TOX2: variants seen among roughly 807,000 people sequenced by gnomAD.
TOX2 encodes the protein granulosa cell HMG box 1.
A neutral mutation model predicts 47.4 loss-of-function variants in TOX2; 15 were observed. The ratio of observed to expected loss-of-function variants is 0.32; its 90% CI spans 0.21 to 0.49. TOX2 has a LOEUF of 0.49. Ranked by LOEUF, TOX2 falls within the 20% of genes least tolerant of loss-of-function variation. The pLI is 0.99. For synonymous variants in TOX2, 290 were observed against 296.6 expected (o/e 0.98, Z 0.23); for missense variants, 622 against 673.1 (o/e 0.92, Z 0.84).
intron 3 of TOX2, among the ~76,000 whole-genome samples, chr20:44,034,307 C>A (rs1174222293): frequency 2.0e-5 from 3 of 152,138 alleles, no homozygotes; most frequent in Non-Finnish European, 4.4e-5. Context: ...CTCTGGCACC[C>A]CACAGGACCC....
chr20:44,036,937 A>C (rs2071251034), intron 3 of TOX2, among the ~76,000 whole-genome samples: 2 of 152,060 alleles, frequency 1.3e-5, no homozygotes, highest in Non-Finnish European at 2.9e-5. Context: ...AGATTTCAGA[A>C]CCTTCTATTG....
intron 1 of TOX2, among the ~76,000 whole-genome samples, chr20:43,923,201 G>T (rs886596334): frequency 6.6e-6 from 1 of 152,160 alleles, no homozygotes; most frequent in African/African-American, 2.4e-5. Flanking sequence ...GAAGAGCCTT[G>T]CACCCCAGCC....
rs1237422987 is a variant in TOX2 at position 43,915,001 on chromosome 20, G to A, written c.99+11G>A. On this transcript the variant is annotated intron_variant, in intron 1 of 8. Transcript: ENST00000341197. This position sits in a 1 kb window ranked among gnomAD's most constrained non-coding sequence, Gnocchi z 7.1. ...TACCACGGCGGCAAGGTAGGCGGGG[G>A]CGGGCGGGGGTCCCCGGCGGGCGGG... The A allele has an allele frequency of 3.2e-6, 4 of 1,237,898 alleles. No homozygotes were observed. The highest frequency in any genetic ancestry group is 4.0e-6 in the Non-Finnish European group (4 of 989,666). The allele number at this position is 1,237,898 out of a possible 1,614,324, so 76.7% of individuals were successfully genotyped here. A position where few individuals can be genotyped will look rare whatever the true frequency, so the allele number is the denominator to read the frequency against.
intron 2 of TOX2, among the ~76,000 whole-genome samples, chr20:43,985,251 C>G (rs1475289476): frequency 6.6e-6 from 1 of 152,202 alleles, no homozygotes; most frequent in Non-Finnish European, 1.5e-5. Context: ...CAGCCAAGGG[C>G]TCAGCCCCCT....
At chr20:43,943,021 T>C (rs1468680190) in intron 1 of TOX2, among the ~76,000 whole-genome samples, 1 of 152,258 alleles carries the variant, frequency 6.6e-6, no homozygotes, top group East Asian at 1.9e-4. Context: ...ACCTGAATAT[T>C]TATTGCAACG....
intron 1 of TOX2, among the ~76,000 whole-genome samples, chr20:43,920,464 C>T (rs2069101410): frequency 6.6e-6 from 1 of 152,106 alleles, no homozygotes; most frequent in Admixed American, 6.5e-5. Context: ...TGGAAGGTAC[C>T]CTGGGATGGG....
At chr20:44,038,863 A>G in intron 3 of TOX2, 2 of 964,946 alleles carry the variant, frequency 2.1e-6, no homozygotes, top group Non-Finnish European at 2.7e-6. Flanking sequence ...ATTTGTGAAA[A>G]ACGCCCTTGT....
intron 2 of TOX2, among the ~76,000 whole-genome samples, chr20:43,979,913 C>T (rs749496460): frequency 2.0e-5 from 3 of 152,162 alleles, no homozygotes; most frequent in Non-Finnish European, 2.9e-5. Context: ...AGGGAACCCT[C>T]GTACACTGTT....
At chr20:44,065,346 G>A (rs977741155) in intron 6 of TOX2, among the ~76,000 whole-genome samples, 2 of 152,162 alleles carry the variant, frequency 1.3e-5, no homozygotes, top group African/African-American at 4.8e-5. Context: ...CATCCAAACT[G>A]GTCTATAACA....
At chr20:43,934,398 C>T (rs899131211) in intron 1 of TOX2, among the ~76,000 whole-genome samples, 1 of 152,154 alleles carries the variant, frequency 6.6e-6, no homozygotes, top group Non-Finnish European at 1.5e-5. Flanking sequence ...CCACCTCCAC[C>T]GTGCAGGTGA....
chr20:43,998,764 T>TATC (rs1383252953), intron 2 of TOX2, among the ~76,000 whole-genome samples: 26 of 151,580 alleles, frequency 1.7e-4, no homozygotes, highest in African/African-American at 6.3e-4. Flanking sequence ...TCTATCTATC[T>TATC]ATCTATTTAT....
At chr20:43,973,536 C>T in intron 2 of TOX2, 104 bp downstream of exon 2, 1 of 904,198 alleles carries the variant, frequency 1.1e-6, no homozygotes, top group East Asian at 2.5e-5. Context: ...GCCAGCACAG[C>T]CCGCTGCTGT....
intron 3 of TOX2, among the ~76,000 whole-genome samples, chr20:44,020,297 C>A (rs542371779): frequency 6.6e-6 from 1 of 152,208 alleles, no homozygotes; most frequent in South Asian, 2.1e-4. Flanking sequence ...TAACTTCCTA[C>A]GTAAGACGGC....
intron 1 of TOX2, among the ~76,000 whole-genome samples, chr20:43,933,516 G>A (rs1295379838): frequency 2.0e-5 from 3 of 150,666 alleles, no homozygotes; most frequent in African/African-American, 7.3e-5. Context: ...GCCATGCTTT[G>A]AGAATCAAGG....
chr20:43,918,825 G>A (rs574118898), intron 1 of TOX2, among the ~76,000 whole-genome samples: 5 of 152,252 alleles, frequency 3.3e-5, no homozygotes, highest in African/African-American at 1.2e-4. Flanking sequence ...TTTTGTGGGC[G>A]GGGAAAATCA....
At chr20:43,925,741 A>G (rs1463875803) in intron 1 of TOX2, among the ~76,000 whole-genome samples, 1 of 152,174 alleles carries the variant, frequency 6.6e-6, no homozygotes, top group Non-Finnish European at 1.5e-5. Context: ...GCAGTCTCAT[A>G]ACGTTTCTGA....
chr20:43,982,287 G>A (rs1323569862), intron 2 of TOX2, among the ~76,000 whole-genome samples: 4 of 152,140 alleles, frequency 2.6e-5, no homozygotes, highest in African/African-American at 9.7e-5. Flanking sequence ...TTTGCTGTGG[G>A]GCATGGGAGA....
chr20:44,061,232 T>G (rs1007795672), intron 5 of TOX2, among the ~76,000 whole-genome samples: 1 of 152,010 alleles, frequency 6.6e-6, no homozygotes, highest in Non-Finnish European at 1.5e-5. Flanking sequence ...GAAATGGTAA[T>G]TAAAAAGTTA....
intron 2 of TOX2, among the ~76,000 whole-genome samples, chr20:44,001,329 C>G (rs889380108): frequency 5.9e-5 from 9 of 152,170 alleles, no homozygotes; most frequent in Non-Finnish European, 1.2e-4. Context: ...CACTTCTCTA[C>G]AGAACACATA....
Sources: allele counts gnomAD v4.1 joint callset (sites outside exome capture counted in the v4.1 genomes callset), GRCh38; gene constraint gnomAD v4.1.1; non-coding constraint Gnocchi (gnomAD v3.1); transcripts MANE v1.5; gene names NCBI Gene and HGNC (gene_info 2026-07-23, HGNC 2026-07-21).